ZBTB16: variants seen among roughly 807,000 people sequenced by gnomAD.
ZBTB16 encodes zinc finger and BTB domain containing 16, also known as zinc finger and BTB domain-containing protein 16.
ZBTB16 carries 8 observed loss-of-function variants against 56.8 expected under a neutral mutation model. The ratio of observed to expected loss-of-function variants is 0.14; its 90% CI spans 0.08 to 0.25. The LOEUF is 0.25. Ranked by LOEUF, ZBTB16 falls within the 10% of genes least tolerant of loss-of-function variation. The probability of loss-of-function intolerance (pLI) is 1.00; values close to 1 mark genes in which losing one functional copy is unlikely to be tolerated. For synonymous variants in ZBTB16, 363 were observed against 368.5 expected (o/e 0.98, Z 0.17); for missense variants, 625 against 903.0 (o/e 0.69, Z 3.95).
chr11:114,246,953 G>T, intron 5 of ZBTB16: 2 of 556,780 alleles, frequency 3.6e-6, no homozygotes, highest in Non-Finnish European at 6.5e-6. Flanking sequence ...AACCAAATGG[G>T]CTCTCTTTCC....
intron 5 of ZBTB16, among the ~76,000 whole-genome samples, chr11:114,245,576 C>T (rs976056291): frequency 6.6e-5 from 10 of 151,812 alleles, no homozygotes; most frequent in African/African-American, 2.2e-4. Context: ...GTTAGTGGCC[C>T]GAGGAGGGGA....
At chr11:114,097,490 T>C (rs976764637) in intron 2 of ZBTB16, among the ~76,000 whole-genome samples, 9 of 152,242 alleles carry the variant, frequency 5.9e-5, no homozygotes, top group Non-Finnish European at 1.2e-4. Context: ...AATAAAAATG[T>C]ATTTTATGTT....
At chr11:114,219,513 C>T (rs1346378055) in intron 4 of ZBTB16, among the ~76,000 whole-genome samples, 1 of 151,992 alleles carries the variant, frequency 6.6e-6, no homozygotes, top group East Asian at 1.9e-4. Context: ...TTATTCCAAT[C>T]AGAAGATTTA....
intron 5 of ZBTB16, among the ~76,000 whole-genome samples, chr11:114,244,917 C>T (rs1944784651): frequency 1.3e-5 from 2 of 152,140 alleles, no homozygotes; most frequent in Admixed American, 1.3e-4. Context: ...ATTACCGGCT[C>T]CAGCTGAAGT....
chr11:114,223,079 T>C (rs1043734674), intron 4 of ZBTB16, among the ~76,000 whole-genome samples: 1 of 152,196 alleles, frequency 6.6e-6, no homozygotes, highest in East Asian at 1.9e-4. Flanking sequence ...GATCCCAAAC[T>C]GTAGGTGCTC....
intron 2 of ZBTB16, among the ~76,000 whole-genome samples, chr11:114,079,160 G>C (rs1939676577): frequency 6.6e-6 from 1 of 151,770 alleles, no homozygotes; most frequent in Non-Finnish European, 1.5e-5. Flanking sequence ...TCAGGCTCCA[G>C]AATTTACTAT....
intron 4 of ZBTB16, among the ~76,000 whole-genome samples, chr11:114,203,909 G>A (rs567646387): frequency 1.3e-5 from 2 of 152,248 alleles, no homozygotes; most frequent in East Asian, 1.9e-4. Context: ...CTGATCTGGT[G>A]AAGTAGTGAG....
intron 3 of ZBTB16, among the ~76,000 whole-genome samples, chr11:114,186,178 G>A (rs1394237540): frequency 1.3e-5 from 2 of 152,172 alleles, no homozygotes; most frequent in Non-Finnish European, 2.9e-5. Flanking sequence ...TATGAATGAC[G>A]AACAGGAGCT....
chr11:114,137,365 C>T (rs1941827313), intron 2 of ZBTB16, among the ~76,000 whole-genome samples: 1 of 152,156 alleles, frequency 6.6e-6, no homozygotes, highest in Non-Finnish European at 1.5e-5. Context: ...AAGAGCTCTC[C>T]AAAATGGAAG....
rs186511405 is a variant in ZBTB16 at position 114,165,028 on chromosome 11, T to A, written c.1366+8594T>A. On this transcript the variant is annotated intron_variant, in intron 3 of 6. Coordinates refer to ENST00000335953, the MANE Select transcript of ZBTB16 (RefSeq NM_006006.6). ...TCCATCTGTCTTCGTTGGTCTTTTC[T>A]CTGTCTCTCTCTTTCTCTGTCTTTG... 3.5e-4 allele frequency among the ~76,000 whole-genome samples: 53 copies of A among 152,292 alleles called. No individual in the cohort carries two copies. In the East Asian group the frequency reaches 8.1e-3, roughly 23 times the overall value.
intron 4 of ZBTB16, among the ~76,000 whole-genome samples, chr11:114,206,084 G>A (rs1201370144): frequency 6.6e-6 from 1 of 152,162 alleles, no homozygotes; most frequent in Non-Finnish European, 1.5e-5. Context: ...GAGCCTGGCT[G>A]CTACTCAGAA....
At chr11:114,079,173 G>A (rs750889919) in intron 2 of ZBTB16, among the ~76,000 whole-genome samples, 5 of 151,832 alleles carry the variant, frequency 3.3e-5, no homozygotes, top group African/African-American at 1.2e-4. Context: ...TTTACTATCT[G>A]TATGTCTTGG....
chr11:114,079,371 C>T (rs903468582), intron 2 of ZBTB16, among the ~76,000 whole-genome samples: 2 of 152,134 alleles, frequency 1.3e-5, no homozygotes, highest in African/African-American at 4.8e-5. Context: ...CCAGTGAAAT[C>T]TTTTGTTTTG....
At chr11:114,130,523 C>T (rs950186105) in intron 2 of ZBTB16, among the ~76,000 whole-genome samples, 18 of 152,198 alleles carry the variant, frequency 1.2e-4, no homozygotes, top group Admixed American at 3.3e-4. Flanking sequence ...TGTGTGCTTG[C>T]GAGCACACGC....
intron 2 of ZBTB16, among the ~76,000 whole-genome samples, chr11:114,113,296 C>G (rs530021085): frequency 6.6e-6 from 1 of 152,316 alleles, no homozygotes; most frequent in South Asian, 2.1e-4. Flanking sequence ...ATTCTTTCCT[C>G]CTATACGTTC....
At position 114,063,444 on chromosome 11, in the gene ZBTB16, C is replaced by T. The variant is rs1388004436; in HGVS notation, c.144C>T (p.His48=). The change falls in exon 2 of 7, where the codon CAC becomes CAT. Residue 48 remains histidine, a synonymous_variant. Transcript: ENST00000335953. The surrounding 1 kb of genome is among the most constrained non-coding windows in gnomAD (Gnocchi z 6.5). The part of the protein sequence containing the change: ...IMVDSQEFHA[H]RTVLACTSKM... ...TGGACAGCCAGGAGTTCCACGCCCA[C>T]CGGACGGTGCTGGCCTGCACCAGCA... 6.2e-7 allele frequency: 1 copy of T among 1,614,068 alleles called. No homozygotes were observed. Among genetic ancestry groups the T allele is most frequent in the African/African-American group, 1.3e-5 (1 of 74,920 alleles).
chr11:114,229,100 T>G (rs1243463332), intron 4 of ZBTB16, among the ~76,000 whole-genome samples: 1 of 152,210 alleles, frequency 6.6e-6, no homozygotes, highest in Non-Finnish European at 1.5e-5. Context: ...GTCAGATCCC[T>G]TTTTGGTATG....
chr11:114,154,064 C>T (rs1360352898), intron 2 of ZBTB16, among the ~76,000 whole-genome samples: 3 of 152,200 alleles, frequency 2.0e-5, no homozygotes, highest in Non-Finnish European at 2.9e-5. Context: ...CAAATCCATT[C>T]ATACCTAGAG....
chr11:114,217,127 G>T (rs1944120884), intron 4 of ZBTB16, among the ~76,000 whole-genome samples: 1 of 152,162 alleles, frequency 6.6e-6, no homozygotes, highest in South Asian at 2.1e-4. Context: ...TGACACTGTG[G>T]CCTGAGTAGC....
Sources: allele counts gnomAD v4.1 joint callset (sites outside exome capture counted in the v4.1 genomes callset), GRCh38; gene constraint gnomAD v4.1.1; non-coding constraint Gnocchi (gnomAD v3.1); transcripts MANE v1.5; gene names NCBI Gene and HGNC (gene_info 2026-07-23, HGNC 2026-07-21).